Variants in NAV3 observed in about 807,000 individuals in gnomAD.
The protein encoded by NAV3 is neuron navigator 3.
In NAV3, 87 loss-of-function variants were observed where a neutral mutation model predicts 244.7. The observed-to-expected ratio is 0.36, with a 90% confidence interval of 0.30 to 0.42. The LOEUF is 0.42. NAV3 is among the 20% of genes least tolerant of loss of function. NAV3 has a pLI of 1.00. For synonymous variants in NAV3, 1,126 were observed against 1,042.2 expected (o/e 1.08, Z -1.55); for missense variants, 2,663 against 2,893.3 (o/e 0.92, Z 1.83).
chr12:78,194,174 CTA>C (rs1190016468), intron 34 of NAV3, among the ~76,000 whole-genome samples: 1 of 152,100 alleles, frequency 6.6e-6, no homozygotes, highest in African/African-American at 2.4e-5. Context: ...TTCTATCATC[CTA>C]CACATATGTT....
At chr12:77,742,995 C>G (rs1868367545) in intron 2 of NAV3, among the ~76,000 whole-genome samples, 1 of 152,068 alleles carries the variant, frequency 6.6e-6, no homozygotes, top group East Asian at 1.9e-4. Context: ...GAAGTGCTCC[C>G]AAGAAGCAGA....
chr12:77,619,766 C>T (rs1029087603), intron 2 of NAV3, among the ~76,000 whole-genome samples: 6 of 151,108 alleles, frequency 4.0e-5, no homozygotes, highest in Non-Finnish European at 5.9e-5. Context: ...ATGTGTCTCA[C>T]GTTTTTTTTT....
chr12:78,190,844 G>A (rs556247289), intron 34 of NAV3, among the ~76,000 whole-genome samples: 2 of 152,176 alleles, frequency 1.3e-5, no homozygotes, highest in Admixed American at 1.3e-4. Flanking sequence ...GGGCCTATAC[G>A]GCGTAGCCTG....
At chr12:77,746,012 A>G (rs1868522826) in intron 2 of NAV3, among the ~76,000 whole-genome samples, 1 of 151,390 alleles carries the variant, frequency 6.6e-6, no homozygotes, top group Non-Finnish European at 1.5e-5. Context: ...AAAAAGGAAC[A>G]TGTCTATCCT....
intron 25 of NAV3, 75 bp downstream of exon 25, chr12:78,175,502 A>G: frequency 6.5e-7 from 1 of 1,537,560 alleles, no homozygotes; most frequent in Non-Finnish European, 8.8e-7. Context: ...TTGGGGCTTT[A>G]GTGATCTGCA....
intron 2 of NAV3, among the ~76,000 whole-genome samples, chr12:77,607,700 C>A (rs1870732977): frequency 6.6e-6 from 1 of 152,050 alleles, no homozygotes; most frequent in African/African-American, 2.4e-5. Flanking sequence ...TTTCTTCTGT[C>A]TTAACCCCAT....
chr12:77,619,130 A>T (rs1389929736), intron 2 of NAV3, among the ~76,000 whole-genome samples: 1 of 152,190 alleles, frequency 6.6e-6, no homozygotes, highest in African/African-American at 2.4e-5. Flanking sequence ...AGCATTTATT[A>T]TAGTTTGTCA....
At chr12:77,594,910 T>C (rs1459797990) in intron 2 of NAV3, among the ~76,000 whole-genome samples, 9 of 152,294 alleles carry the variant, frequency 5.9e-5, no homozygotes, top group African/African-American at 2.2e-4. Context: ...ATCCTGTCGA[T>C]TGGAATGCAG....
chr12:78,201,950 A>G (rs1959752556), intron 38 of NAV3, among the ~76,000 whole-genome samples: 1 of 151,982 alleles, frequency 6.6e-6, no homozygotes. Flanking sequence ...CTAAAATGAT[A>G]GTTCTGGTGA....
chr12:78,113,625 G>A (rs978564138), intron 12 of NAV3, among the ~76,000 whole-genome samples: 7 of 152,148 alleles, frequency 4.6e-5, no homozygotes, highest in Admixed American at 1.3e-4. Flanking sequence ...GGTGCATACA[G>A]CAGGGGGGCC....
At chr12:78,084,082 A>G (rs1026372875) in intron 12 of NAV3, among the ~76,000 whole-genome samples, 2 of 152,216 alleles carry the variant, frequency 1.3e-5, no homozygotes, top group Non-Finnish European at 2.9e-5. Flanking sequence ...TATGTTCATG[A>G]CTAGTAATCT....
intron 22 of NAV3, among the ~76,000 whole-genome samples, chr12:78,151,998 A>T (rs1957098394): frequency 6.6e-6 from 1 of 151,544 alleles, no homozygotes; most frequent in Non-Finnish European, 1.5e-5. Context: ...TTAGTTTCAA[A>T]CTAAAATATA....
At position 77,662,227 on chromosome 12, in the gene NAV3, G is replaced by GTCTATCTATCTATCTA. The variant is rs71088326; in HGVS notation, c.72+89983_72+89998dup. Among the ~76,000 whole-genome samples the GTCTATCTATCTATCTA allele has an allele frequency of 7.4e-3, 1,082 of 146,026 alleles. 6 individuals are homozygous for GTCTATCTATCTATCTA. Among genetic ancestry groups the GTCTATCTATCTATCTA allele is most frequent in the East Asian group, 0.021 (103 of 4,994 alleles). ...TTATTATATATCTTCATATCTATCT[G>GTCTATCTATCTATCTA]TCTATCTATCTATCTATCTATCTAT... On this transcript the variant is annotated intron_variant, in intron 2 of 8. Coordinates refer to the NAV3 transcript ENST00000550042.
At chr12:77,669,272 T>C (rs1873855245) in intron 2 of NAV3, among the ~76,000 whole-genome samples, 3 of 152,008 alleles carry the variant, frequency 2.0e-5, no homozygotes, top group Admixed American at 1.3e-4. Flanking sequence ...TCACAGGGCC[T>C]AAGTAACAAC....
intron 1 of NAV3, among the ~76,000 whole-genome samples, chr12:77,892,927 G>A (rs767705972): frequency 6.6e-6 from 1 of 152,086 alleles, no homozygotes; most frequent in Admixed American, 6.6e-5. Context: ...AATTGTTGGT[G>A]GGTAACTAAT....
At chr12:78,154,032 T>A (rs967151608) in intron 22 of NAV3, among the ~76,000 whole-genome samples, 1 of 147,548 alleles carries the variant, frequency 6.8e-6, no homozygotes, top group Non-Finnish European at 1.5e-5. Flanking sequence ...ATATTACATA[T>A]AATATATGTT....
At chr12:77,707,526 G>A (rs1022755080) in intron 2 of NAV3, among the ~76,000 whole-genome samples, 3 of 152,260 alleles carry the variant, frequency 2.0e-5, no homozygotes, top group Middle Eastern at 3.4e-3. Flanking sequence ...GAATATATGT[G>A]TGCATGTGTC....
intron 2 of NAV3, among the ~76,000 whole-genome samples, chr12:77,824,720 C>G (rs1872898338): frequency 6.6e-6 from 1 of 151,880 alleles, no homozygotes; most frequent in Non-Finnish European, 1.5e-5. Context: ...TGGTAAAACC[C>G]TGTATCTACT....
At chr12:77,998,242 C>A in intron 6 of NAV3, 95 bp from the exon 7 acceptor site, 1 of 870,726 alleles carries the variant, frequency 1.1e-6, no homozygotes, top group Non-Finnish European at 1.7e-6. Flanking sequence ...GATTTTAGAA[C>A]ATCATATGTT....
Sources: gnomAD v4.1 joint callset for allele counts (sites outside exome capture counted in the v4.1 genomes callset) on GRCh38, gnomAD v4.1.1 for gene constraint, MANE v1.5 for transcripts, NCBI Gene and HGNC (gene_info 2026-07-23, HGNC 2026-07-21) for gene names.